Variants in ZNF277 observed in about 807,000 individuals in gnomAD.
The protein encoded by ZNF277 is zinc finger protein 277, also known as nuclear receptor-interacting factor 4.
A neutral mutation model predicts 60.7 loss-of-function variants in ZNF277; 55 were observed. The ratio of observed to expected loss-of-function variants is 0.91; its 90% CI spans 0.73 to 1.13. The LOEUF (loss-of-function observed/expected upper bound fraction) is 1.13, where lower values mean the gene tolerates loss of function less well. Ranked by LOEUF, ZNF277 falls within the 50% of genes most tolerant of loss-of-function variation. The pLI is 0.00. For synonymous variants in ZNF277, 178 were observed against 179.3 expected (o/e 0.99, Z 0.06); for missense variants, 510 against 523.0 (o/e 0.98, Z 0.24).
intron 7 of ZNF277, among the ~76,000 whole-genome samples, chr7:112,334,708 C>A (rs753961631): frequency 6.6e-6 from 1 of 152,152 alleles, no homozygotes; most frequent in Non-Finnish European, 1.5e-5. Context: ...CATTGACAAG[C>A]AACATTTGCC....
intron 1 of ZNF277, among the ~76,000 whole-genome samples, chr7:112,245,092 C>G (rs1434958054): frequency 6.6e-6 from 1 of 152,112 alleles, no homozygotes; most frequent in African/African-American, 2.4e-5. Context: ...CTCACATCTA[C>G]TCTTCTTTTC....
chr7:112,219,722 A>G (rs1318210761), intron 1 of ZNF277, among the ~76,000 whole-genome samples: 2 of 152,090 alleles, frequency 1.3e-5, no homozygotes. Flanking sequence ...TGCAGCCTTG[A>G]TCTATTGGGC....
chr7:112,287,950 A>G (rs1792112346), intron 2 of ZNF277: 1 of 136,192 alleles, frequency 7.3e-6, no homozygotes, highest in South Asian at 2.2e-4. Context: ...AGAGTAGATA[A>G]TACTCACTTT....
intron 1 of ZNF277, among the ~76,000 whole-genome samples, chr7:112,262,280 G>A (rs139384559): frequency 1.3e-5 from 2 of 149,788 alleles, no homozygotes; most frequent in South Asian, 2.1e-4. Context: ...ATTGAGCCAC[G>A]TGTGTAGACT....
Position 112,308,953 on chromosome 7 carries a change from G to T in ZNF277, c.466-9229G>T, listed in dbSNP as rs528738239. On this transcript the variant is annotated intron_variant, in intron 4 of 11. Transcript: ENST00000361822. ...GGGGGATATGATCTGGTAAAAAACTGGAGAGGACTTAGCAATATCTATTTG... is the reference window on the plus strand; with the variant it reads ...GGGGGATATGATCTGGTAAAAAACTTGAGAGGACTTAGCAATATCTATTTG... Among the ~76,000 whole-genome samples, 9 of 152,140 alleles carry T rather than the reference G, an allele frequency of 5.9e-5. 1 individual carries two copies. The highest frequency in any genetic ancestry group is 1.7e-4 in the African/African-American group (7 of 41,516).
chr7:112,286,245 C>T (rs1385434167), intron 1 of ZNF277, among the ~76,000 whole-genome samples: 1 of 152,094 alleles, frequency 6.6e-6, no homozygotes, highest in Non-Finnish European at 1.5e-5. Flanking sequence ...TTCACAGAAG[C>T]CTGAATTGTA....
chr7:112,314,852 A>T (rs746706130), intron 4 of ZNF277, among the ~76,000 whole-genome samples: 4 of 152,156 alleles, frequency 2.6e-5, no homozygotes, highest in Non-Finnish European at 4.4e-5. Context: ...TGTGAATGCC[A>T]TGCTAAATAC....
intron 7 of ZNF277, among the ~76,000 whole-genome samples, chr7:112,333,864 G>C (rs887988661): frequency 6.6e-6 from 1 of 152,192 alleles, no homozygotes; most frequent in Non-Finnish European, 1.5e-5. Flanking sequence ...TTGGGGATAA[G>C]GTGCCAGTTA....
At chr7:112,289,017 G>A (rs1005208826) in intron 2 of ZNF277, 3 of 145,506 alleles carry the variant, frequency 2.1e-5, no homozygotes, top group African/African-American at 5.2e-5. Context: ...CCTGAGACAT[G>A]TGTACCTGAT....
At chr7:112,212,335 T>G (rs1821772729) in intron 1 of ZNF277, among the ~76,000 whole-genome samples, 1 of 152,242 alleles carries the variant, frequency 6.6e-6, no homozygotes, top group Non-Finnish European at 1.5e-5. Flanking sequence ...GTCTCATATA[T>G]TTGACATGGC....
intron 3 of ZNF277, 68 bp downstream of exon 3, chr7:112,296,025 C>A (rs369355928): frequency 3.3e-6 from 4 of 1,216,528 alleles, no homozygotes; most frequent in South Asian, 2.5e-5. Context: ...ATCTTACTGT[C>A]TTATATTAGA....
intron 9 of ZNF277, among the ~76,000 whole-genome samples, chr7:112,338,260 G>C (rs1793371020): frequency 6.6e-6 from 1 of 152,142 alleles, no homozygotes; most frequent in Non-Finnish European, 1.5e-5. Context: ...CAGGTGCCAG[G>C]ATTTAGAGAG....
At chr7:112,323,836 G>A (rs920495114) in intron 5 of ZNF277, among the ~76,000 whole-genome samples, 1 of 152,084 alleles carries the variant, frequency 6.6e-6, no homozygotes, top group African/African-American at 2.4e-5. Context: ...ATTTAATCCT[G>A]TTTGCCCAAA....
chr7:112,243,561 A>G (rs1000323395), intron 1 of ZNF277, among the ~76,000 whole-genome samples: 2 of 151,992 alleles, frequency 1.3e-5, no homozygotes, highest in East Asian at 1.9e-4. Context: ...CAAATGGCCA[A>G]AAAGCATATG....
intron 10 of ZNF277, 111 bp from the exon 11 acceptor site, chr7:112,340,761 C>A: frequency 1.2e-6 from 1 of 847,296 alleles, no homozygotes; most frequent in Non-Finnish European, 1.9e-6. Flanking sequence ...TATAATTGTA[C>A]TGCCTCTTCA....
chr7:112,317,930 G>C (rs1288147668), intron 4 of ZNF277, among the ~76,000 whole-genome samples: 3 of 152,158 alleles, frequency 2.0e-5, no homozygotes, highest in Non-Finnish European at 4.4e-5. Context: ...GAAAAGACAG[G>C]GTAGCAAAGG....
chr7:112,215,329 TA>T (rs1353381566), intron 1 of ZNF277, among the ~76,000 whole-genome samples: 1 of 152,214 alleles, frequency 6.6e-6, no homozygotes, highest in Non-Finnish European at 1.5e-5. Flanking sequence ...ATACAATATA[TA>T]AACTCTGTAA....
At chr7:112,236,092 A>G (rs1332856152) in intron 1 of ZNF277, among the ~76,000 whole-genome samples, 3 of 152,154 alleles carry the variant, frequency 2.0e-5, no homozygotes, top group South Asian at 2.1e-4. Context: ...CCATTGATCT[A>G]TATTGGTCTT....
chr7:112,282,946 A>C (rs1343470185), intron 1 of ZNF277, among the ~76,000 whole-genome samples: 2 of 152,210 alleles, frequency 1.3e-5, no homozygotes, highest in Admixed American at 1.3e-4. Context: ...TTGAGTTAAT[A>C]CTGTACATGT....
Sources: gnomAD v4.1 joint callset for allele counts (sites outside exome capture counted in the v4.1 genomes callset) on GRCh38, gnomAD v4.1.1 for gene constraint, MANE v1.5 for transcripts, NCBI Gene and HGNC (gene_info 2026-07-23, HGNC 2026-07-21) for gene names.